Variants in TSNARE1 observed in about 807,000 individuals in gnomAD.
TSNARE1 encodes the protein t-SNARE domain containing 1.
Under a neutral mutation model 62.0 loss-of-function variants are expected in TSNARE1, and 49 were observed. That is an observed-to-expected ratio of 0.79 (90% CI 0.63 to 1.00). The LOEUF (loss-of-function observed/expected upper bound fraction) is 1.00, where lower values mean the gene tolerates loss of function less well. TSNARE1 is among the 50% of genes least tolerant of loss of function. The probability of loss-of-function intolerance (pLI) is 0.00; values close to 1 mark genes in which losing one functional copy is unlikely to be tolerated. For missense variants in TSNARE1, 755 were observed against 700.1 expected, an observed-to-expected ratio of 1.08 and a Z score of -0.88; for synonymous variants, 328 against 294.4, an observed-to-expected ratio of 1.11 and a Z score of -1.17.
At chr8:142,330,764 G>GCACATATGCA in intron 6 of TSNARE1, 137 bp downstream of exon 6, 6 of 804,548 alleles carry the variant, frequency 7.5e-6, no homozygotes, top group Non-Finnish European at 1.0e-5. Flanking sequence ...GCATATGTGC[G>GCACATATGCA]CACATGTGTG....
At chr8:142,289,753 G>T (rs918590777) in intron 10 of TSNARE1, among the ~76,000 whole-genome samples, 1 of 152,246 alleles carries the variant, frequency 6.6e-6, no homozygotes, top group Non-Finnish European at 1.5e-5. Flanking sequence ...CATCATGGGA[G>T]GCCGCCGGGA....
Position 142,325,072 on chromosome 8 carries a change from G to A in TSNARE1, c.893+5829C>T, listed in dbSNP as rs59614745. 9.4e-3 allele frequency among the ~76,000 whole-genome samples: 1,427 copies of A among 152,346 alleles called. 25 individuals are homozygous for A. Among genetic ancestry groups the A allele is most frequent in the African/African-American group, 0.032 (1,318 of 41,576 alleles). ...CAGGTGATGCCCAAGTCAACACAAC[G>A]CAGTGGTGTTGGTGCACAGACCCAG... On this transcript the variant is annotated intron_variant, in intron 6 of 13. Transcript: ENST00000524325.
At chr8:142,396,032 C>T (rs570086529) in intron 1 of TSNARE1, among the ~76,000 whole-genome samples, 18 of 151,498 alleles carry the variant, frequency 1.2e-4, no homozygotes, top group Admixed American at 3.3e-4. Flanking sequence ...CCAGGGCAGA[C>T]GCCTGTGGCT....
rs1203418547 is a variant in TSNARE1, at chr8:142,315,035, CT to C, written c.1041del (p.Asp348MetfsTer89). On this transcript the variant is annotated frameshift_variant, in exon 8 of 14. Coordinates refer to ENST00000524325, the MANE Select transcript of TSNARE1 (RefSeq NM_145003.5). LOFTEE classifies it high-confidence loss of function. ...ACCACTCCATAGCACTGAATGGCAT[CT>C]GAGAGCTGGGTTTTCAGCCGGTCCA... ...PQLDRLKTQL[S>X]DAIQCYGVVQ... 2 of 1,614,194 alleles carry C rather than the reference CT, an allele frequency of 1.2e-6. No homozygotes were observed. The highest frequency in any genetic ancestry group is 1.7e-6 in the Non-Finnish European group (2 of 1,180,032).
chr8:142,223,259 CTCACTCACTCAT>C (rs1471928979), intron 13 of TSNARE1, among the ~76,000 whole-genome samples: 1 of 61,974 alleles, frequency 1.6e-5, no homozygotes, highest in South Asian at 6.1e-4. Context: ...CACTCATTCA[CTCACTCACTCAT>C]TCAGTCACTC....
intron 12 of TSNARE1, among the ~76,000 whole-genome samples, chr8:142,244,181 G>A (rs752856124): frequency 6.6e-6 from 1 of 152,170 alleles, no homozygotes; most frequent in Non-Finnish European, 1.5e-5. Context: ...GCGAGACTCC[G>A]ACATTAAACT....
intron 12 of TSNARE1, among the ~76,000 whole-genome samples, chr8:142,236,609 TAAAA>T (rs962963957): frequency 6.6e-6 from 1 of 151,270 alleles, no homozygotes; most frequent in East Asian, 2.0e-4. Flanking sequence ...ATTAATTAAT[TAAAA>T]AAATTCAGAA....
chr8:142,261,637 C>T (rs1053395247), intron 12 of TSNARE1, among the ~76,000 whole-genome samples: 1 of 152,078 alleles, frequency 6.6e-6, no homozygotes, highest in African/African-American at 2.4e-5. Context: ...CAGCATTTCT[C>T]CTTGCTCCTC....
In TSNARE1 at chr8:142,281,031, G is replaced by A. The variant is rs1196244814; in HGVS notation, c.1363+3382C>T. Reference sequence around the variant, plus strand: ...CTCCTGGGGACACAGCACAGTACCCGGGAAGAGGACGCCAGCTGCCTGAGG... The same window carrying A: ...CTCCTGGGGACACAGCACAGTACCCAGGAAGAGGACGCCAGCTGCCTGAGG... On this transcript the variant is annotated intron_variant, in intron 11 of 13. Coordinates refer to ENST00000524325, the MANE Select transcript of TSNARE1 (RefSeq NM_145003.5). Among the ~76,000 whole-genome samples, 11 of 152,306 alleles carry A rather than the reference G, an allele frequency of 7.2e-5. No individual in the cohort carries two copies. The East Asian group carries it at 9.7e-4, about 13-fold the overall frequency.
intron 1 of TSNARE1, among the ~76,000 whole-genome samples, chr8:142,381,078 G>A (rs1026388286): frequency 1.3e-5 from 2 of 152,240 alleles, no homozygotes; most frequent in Non-Finnish European, 2.9e-5. Flanking sequence ...GGCCTCAGCA[G>A]CCAATCAGGG....
intron 6 of TSNARE1, among the ~76,000 whole-genome samples, chr8:142,330,291 C>G (rs181333062): frequency 6.6e-6 from 1 of 152,176 alleles, no homozygotes; most frequent in African/African-American, 2.4e-5. Flanking sequence ...CCCTTCCCCC[C>G]GCTCCCCAGC....
intron 7 of TSNARE1, among the ~76,000 whole-genome samples, chr8:142,318,017 G>A (rs776747011): frequency 4.6e-5 from 7 of 152,192 alleles, no homozygotes; most frequent in Non-Finnish European, 7.3e-5. Context: ...TGGGGCAGCT[G>A]AGCCGGAACG....
rs1047000504 is a variant in TSNARE1 at position 142,270,313 on chromosome 8, C to G, written c.1446+4468G>C. 6.1e-6 allele frequency: 6 copies of G among 985,404 alleles called. 1 individual carries two copies. Among genetic ancestry groups the G allele is most frequent in the Middle Eastern group, 1.0e-3 (2 of 1,914 alleles). 61.0% of individuals were successfully genotyped at this position (985,404 alleles called of 1,614,324 possible). ...GCCCCCGCAGGGAGGCTGAAAGCAG[C>G]GGTGCCTGCCACGCCCGAGAAGCAG... is the stretch of plus-strand genomic sequence containing the variant. On this transcript the variant is annotated intron_variant, in intron 12 of 13. Transcript: ENST00000524325.
rs185093597 is a variant in TSNARE1, at chr8:142,345,968, A to G, written c.89-76T>C. On this transcript the variant is annotated intron_variant, in intron 2 of 13. Transcript: ENST00000524325. ...GGCAGTGCCAGGCCCCCATGCACGG[A>G]CAGCAGACACCCAGGACCCGAGATG... 7.0e-4 allele frequency: 1,069 copies of G among 1,521,440 alleles called. 5 individuals carry two copies. The African/African-American group carries it at 0.012, about 17-fold the overall frequency. 94.2% of individuals were successfully genotyped at this position (1,521,440 alleles called of 1,614,324 possible).
intron 13 of TSNARE1, among the ~76,000 whole-genome samples, chr8:142,216,803 A>G (rs1815860883): frequency 6.6e-6 from 1 of 152,170 alleles, no homozygotes; most frequent in South Asian, 2.1e-4. Flanking sequence ...CTGGTTGTTT[A>G]TCCTCCTCTC....
chr8:142,393,610 G>C (rs1837698342), intron 1 of TSNARE1, among the ~76,000 whole-genome samples: 2 of 152,242 alleles, frequency 1.3e-5, no homozygotes, highest in African/African-American at 4.8e-5. Context: ...CGAAGGTGCT[G>C]AGAGAGCAGA....
chr8:142,398,707 A>C (rs1838074445), intron 1 of TSNARE1, among the ~76,000 whole-genome samples: 1 of 152,172 alleles, frequency 6.6e-6, no homozygotes, highest in African/African-American at 2.4e-5. Context: ...GCATAGTCTC[A>C]CAGAACATTA....
intron 6 of TSNARE1, among the ~76,000 whole-genome samples, chr8:142,328,571 T>C (rs373313616): frequency 6.6e-6 from 1 of 152,216 alleles, no homozygotes; most frequent in Non-Finnish European, 1.5e-5. Context: ...GAAAGTAAAA[T>C]TGCCTTGCTG....
At chr8:142,334,487 G>C (rs1023898125) in intron 4 of TSNARE1, among the ~76,000 whole-genome samples, 9 of 151,802 alleles carry the variant, frequency 5.9e-5, no homozygotes, top group Non-Finnish European at 1.2e-4. Flanking sequence ...CACACAGGGT[G>C]GGGGGGCAGC....
Sources: gnomAD v4.1 joint callset for allele counts (sites outside exome capture counted in the v4.1 genomes callset) on GRCh38, gnomAD v4.1.1 for gene constraint, MANE v1.5 for transcripts, NCBI Gene and HGNC (gene_info 2026-07-23, HGNC 2026-07-21) for gene names.